ADAMTS17: variants seen among roughly 807,000 people sequenced by gnomAD.
ADAMTS17 encodes the protein A disintegrin and metalloproteinase with thrombospondin motifs 17.
In ADAMTS17, 113 loss-of-function variants were observed where a neutral mutation model predicts 141.5. The ratio of observed to expected loss-of-function variants is 0.80; its 90% CI spans 0.69 to 0.93. ADAMTS17 has a LOEUF of 0.93. Among genes scored for constraint, ADAMTS17 ranks in the 40% least tolerant of loss-of-function variants. The pLI is 0.00. For synonymous variants in ADAMTS17, 768 were observed against 630.6 expected (o/e 1.22, Z -3.27); for missense variants, 1,659 against 1,517.9 (o/e 1.09, Z -1.54).
chr15:100,328,562 A>C (rs769527656), intron 3 of ADAMTS17, among the ~76,000 whole-genome samples: 15 of 152,122 alleles, frequency 9.9e-5, no homozygotes, highest in Non-Finnish European at 2.1e-4. Context: ...AAGTTCAGAA[A>C]TTTCTCCCTA....
chr15:100,094,527 T>C (rs2035647032), intron 15 of ADAMTS17, among the ~76,000 whole-genome samples: 1 of 152,126 alleles, frequency 6.6e-6, no homozygotes, highest in African/African-American at 2.4e-5. Context: ...ATCTCAGAAG[T>C]GAGATCCTAT....
intron 18 of ADAMTS17, among the ~76,000 whole-genome samples, chr15:100,017,828 T>G (rs932757420): frequency 4.6e-5 from 7 of 152,330 alleles, no homozygotes; most frequent in South Asian, 4.1e-4. Flanking sequence ...CACACAGACT[T>G]CCTATTATGT....
At chr15:100,110,168 T>TATATATATATATATTTATATACTG (rs2036666204) in intron 13 of ADAMTS17, among the ~76,000 whole-genome samples, 1 of 35,890 alleles carries the variant, frequency 2.8e-5, no homozygotes, top group Non-Finnish European at 8.8e-5. Context: ...AAAGACTCAG[T>TATATATATATATATTTATATACTG]ATATATATAT....
intron 15 of ADAMTS17, among the ~76,000 whole-genome samples, chr15:100,068,252 G>A (rs545421819): frequency 1.1e-4 from 17 of 152,290 alleles, no homozygotes; most frequent in East Asian, 1.9e-4. Context: ...CAAAGCCACC[G>A]GGAAGCTCGA....
chr15:100,165,571 C>T (rs1410501757), intron 8 of ADAMTS17, among the ~76,000 whole-genome samples: 1 of 152,174 alleles, frequency 6.6e-6, no homozygotes, highest in Non-Finnish European at 1.5e-5. Context: ...GGCAAACGGC[C>T]TTATGACTTG....
intron 15 of ADAMTS17, 48 bp downstream of exon 15, chr15:100,096,308 A>G: frequency 6.2e-7 from 1 of 1,609,382 alleles, no homozygotes; most frequent in Non-Finnish European, 8.5e-7. Flanking sequence ...CTGTAGGCAA[A>G]GGACACAAAA....
chr15:100,152,829 T>TTTG (rs2039241587), intron 9 of ADAMTS17, 67 bp from the exon 10 acceptor site: 5 of 1,481,274 alleles, frequency 3.4e-6, no homozygotes, highest in Non-Finnish European at 4.5e-6. Flanking sequence ...TTCTTTTTCT[T>TTTG]TTTTTTTTTG....
intron 7 of ADAMTS17, among the ~76,000 whole-genome samples, chr15:100,218,122 C>T (rs964431816): frequency 2.6e-5 from 4 of 152,224 alleles, no homozygotes; most frequent in Non-Finnish European, 5.9e-5. Context: ...ATCTGCCCAC[C>T]TCAGCCTCCC....
intron 15 of ADAMTS17, among the ~76,000 whole-genome samples, chr15:100,064,112 C>T (rs2033340641): frequency 6.6e-6 from 1 of 152,042 alleles, no homozygotes; most frequent in African/African-American, 2.4e-5. Context: ...GACTGATGTC[C>T]TTATAAAAAG....
chr15:100,298,764 G>A (rs952436517), intron 3 of ADAMTS17, among the ~76,000 whole-genome samples: 27 of 152,250 alleles, frequency 1.8e-4, no homozygotes, highest in African/African-American at 4.1e-4. Flanking sequence ...AGGATACCCC[G>A]AAAATAAAGG....
chr15:100,304,806 G>A (rs1051997146), intron 3 of ADAMTS17, among the ~76,000 whole-genome samples: 1 of 152,054 alleles, frequency 6.6e-6, no homozygotes, highest in Non-Finnish European at 1.5e-5. Flanking sequence ...ACTTATACAT[G>A]GATTTTCACC....
intron 7 of ADAMTS17, among the ~76,000 whole-genome samples, chr15:100,202,975 ATTTAAAAATT>A (rs891974375): frequency 1.6e-4 from 22 of 138,716 alleles, no homozygotes; most frequent in Middle Eastern, 7.1e-3. Flanking sequence ...CACAGAACTT[ATTTAAAAATT>A]TTTAAAAACA....
At chr15:100,267,367 T>C (rs2043751801) in intron 4 of ADAMTS17, among the ~76,000 whole-genome samples, 1 of 152,246 alleles carries the variant, frequency 6.6e-6, no homozygotes, top group African/African-American at 2.4e-5. Flanking sequence ...TTTGTTTATC[T>C]GCCCATCTGC....
chr15:100,176,954 T>C (rs950164078), intron 8 of ADAMTS17, among the ~76,000 whole-genome samples: 2 of 152,264 alleles, frequency 1.3e-5, no homozygotes, highest in African/African-American at 2.4e-5. Context: ...AATTCATTCA[T>C]TTTTATTGCT....
At chr15:100,314,295 A>T (rs1438765921) in intron 3 of ADAMTS17, among the ~76,000 whole-genome samples, 2 of 152,264 alleles carry the variant, frequency 1.3e-5, no homozygotes, top group Admixed American at 1.3e-4. Context: ...TTACTGTGAC[A>T]ACTGGAAAAA....
Position 100,183,302 on chromosome 15 carries a change from C to G in ADAMTS17, c.1181+16016G>C, listed in dbSNP as rs947437600. 2.0e-5 allele frequency among the ~76,000 whole-genome samples: 3 copies of G among 152,170 alleles called. No individual in the cohort carries two copies. The East Asian group carries it at 5.8e-4, about 29-fold the overall frequency. ...CACCATGCTTCTGGGATTCCTGATACAAGCTTATATCTTCCACAGATCCCT... is the reference window on the plus strand; with the variant it reads ...CACCATGCTTCTGGGATTCCTGATAGAAGCTTATATCTTCCACAGATCCCT... On this transcript the variant is annotated intron_variant, in intron 8 of 21. Coordinates refer to ENST00000268070, the MANE Select transcript of ADAMTS17 (RefSeq NM_139057.4).
intron 2 of ADAMTS17, among the ~76,000 whole-genome samples, chr15:100,334,554 C>T (rs1224876421): frequency 3.3e-5 from 5 of 152,198 alleles, no homozygotes; most frequent in East Asian, 3.9e-4. Flanking sequence ...TCTGACTCTC[C>T]GGCGGGCACA....
At position 100,279,542 on chromosome 15, in the gene ADAMTS17, G is replaced by A. The variant is rs547467725; in HGVS notation, c.789+1687C>T. Among the ~76,000 whole-genome samples the A allele has an allele frequency of 3.3e-5, 5 of 152,306 alleles. No homozygotes were observed. In the South Asian group the frequency reaches 6.2e-4, roughly 19 times the overall value. ...GTTTAACCTTGCCCTGTCCTCTCGC[G>A]TCACTCCCTTCCATAAGCGGCCTGA... On this transcript the variant is annotated intron_variant, in intron 4 of 21. Transcript: ENST00000268070.
In ADAMTS17 at chr15:99,991,426, A is replaced by G. The variant is rs137885013; in HGVS notation, c.2949+1622T>C. On this transcript the variant is annotated intron_variant, in intron 20 of 21. Coordinates refer to ENST00000268070, the MANE Select transcript of ADAMTS17 (RefSeq NM_139057.4). The stretch of plus-strand genomic sequence containing the variant: ...CCAATAAACATATGAAAAAAAGCTC[A>G]TCATCACTGGTCATTAGAGAAATGC... Among the ~76,000 whole-genome samples, 1,145 of 152,346 alleles carry G rather than the reference A, an allele frequency of 7.5e-3. 19 individuals are homozygous for G. The highest frequency in any genetic ancestry group is 0.026 in the African/African-American group (1,077 of 41,580).
Sources: gnomAD v4.1 joint callset for allele counts (sites outside exome capture counted in the v4.1 genomes callset) on GRCh38, gnomAD v4.1.1 for gene constraint, MANE v1.5 for transcripts, NCBI Gene and HGNC (gene_info 2026-07-23, HGNC 2026-07-21) for gene names.